UNC13C: variants seen among roughly 807,000 people sequenced by gnomAD.
UNC13C encodes unc-13 homolog C, also known as protein unc-13 homolog C.
In UNC13C, 174 loss-of-function variants were observed where a neutral mutation model predicts 245.4. That is an observed-to-expected ratio of 0.71 (90% CI 0.63 to 0.80). The LOEUF (loss-of-function observed/expected upper bound fraction) is 0.80, where lower values mean the gene tolerates loss of function less well. Among genes scored for constraint, UNC13C ranks in the 30% least tolerant of loss-of-function variants. The pLI is 0.00. For missense variants in UNC13C, 2,829 were observed against 2,602.9 expected (o/e 1.09, Z -1.89); for synonymous variants, 992 against 895.1 (o/e 1.11, Z -1.93).
intron 24 of UNC13C, among the ~76,000 whole-genome samples, chr15:54,519,410 C>A (rs1181421158): frequency 1.3e-5 from 2 of 151,526 alleles, no homozygotes; most frequent in Non-Finnish European, 2.9e-5. Context: ...TTTTTTCCTT[C>A]AGTTGTCTAG....
At chr15:54,081,953 T>C (rs1898965536) in intron 2 of UNC13C, among the ~76,000 whole-genome samples, 2 of 152,200 alleles carry the variant, frequency 1.3e-5, no homozygotes, top group Non-Finnish European at 2.9e-5. Flanking sequence ...AGAAATCCTT[T>C]GATCATTTCT....
chr15:54,039,643 C>T (rs913987957), intron 2 of UNC13C, among the ~76,000 whole-genome samples: 3 of 152,024 alleles, frequency 2.0e-5, no homozygotes, highest in African/African-American at 4.8e-5. Context: ...CTGGCATTCT[C>T]GGTGATCCCA....
the UNC13C span, among the ~76,000 whole-genome samples, chr15:53,932,265 C>T: frequency 6.6e-6 from 1 of 151,844 alleles, no homozygotes; most frequent in Non-Finnish European, 1.5e-5. Flanking sequence ...GCCGAGATTT[C>T]ACCACAGCAC....
At chr15:54,085,285 T>C (rs1301792433) in intron 2 of UNC13C, among the ~76,000 whole-genome samples, 1 of 152,188 alleles carries the variant, frequency 6.6e-6, no homozygotes, top group African/African-American at 2.4e-5. Context: ...TTACCGATTC[T>C]AGAAGTGTCA....
the UNC13C span, chr15:53,947,721 G>A: frequency 6.6e-6 from 1 of 152,182 alleles, no homozygotes; most frequent in Non-Finnish European, 1.5e-5. Context: ...GGCTCTCATT[G>A]AATTTCTACT....
intron 2 of UNC13C, among the ~76,000 whole-genome samples, chr15:54,044,853 G>A (rs1025789927): frequency 2.0e-5 from 3 of 151,912 alleles, no homozygotes; most frequent in African/African-American, 7.3e-5. Context: ...TGTGCTTATT[G>A]GCCATTTGTA....
chr15:54,169,602 C>T (rs368536675), intron 4 of UNC13C, among the ~76,000 whole-genome samples: 1 of 152,054 alleles, frequency 6.6e-6, no homozygotes, highest in Admixed American at 6.6e-5. Flanking sequence ...CATTTCATGC[C>T]TCTCTTTCCT....
intron 19 of UNC13C, among the ~76,000 whole-genome samples, chr15:54,486,363 C>T (rs960552870): frequency 4.6e-5 from 7 of 150,852 alleles, no homozygotes; most frequent in African/African-American, 1.7e-4. Flanking sequence ...CTTGAACCCC[C>T]AGGAGGTGGA....
At chr15:53,865,577 T>G in the UNC13C span, among the ~76,000 whole-genome samples, 5 of 152,148 alleles carry the variant, frequency 3.3e-5, no homozygotes, top group African/African-American at 4.8e-5. Context: ...CAAATAGGCT[T>G]ATAGGTGTTG....
At chr15:54,434,220 C>T (rs991156466) in intron 19 of UNC13C, among the ~76,000 whole-genome samples, 1 of 151,588 alleles carries the variant, frequency 6.6e-6, no homozygotes, top group East Asian at 1.9e-4. Context: ...TCACAGAATT[C>T]GAAAAAGACT....
At chr15:54,059,430 G>T (rs1052838146) in intron 2 of UNC13C, among the ~76,000 whole-genome samples, 7 of 152,116 alleles carry the variant, frequency 4.6e-5, no homozygotes, top group African/African-American at 1.7e-4. Context: ...CCTCTTCAAG[G>T]AGAACTACAA....
chr15:54,080,916 ACTTT>A (rs140483816), intron 2 of UNC13C, among the ~76,000 whole-genome samples: 3,276 of 151,726 alleles, frequency 0.022, 95 homozygotes, highest in South Asian at 0.12. Context: ...TAATTTGAGA[ACTTT>A]CTTTCTTTTT....
intron 19 of UNC13C, among the ~76,000 whole-genome samples, chr15:54,463,105 G>C (rs373039325): frequency 2.0e-5 from 3 of 151,648 alleles, no homozygotes; most frequent in African/African-American, 7.3e-5. Flanking sequence ...GAGAACTTTT[G>C]TGTCTAGCTA....
intron 19 of UNC13C, among the ~76,000 whole-genome samples, chr15:54,465,311 G>A (rs979923695): frequency 6.6e-6 from 1 of 151,994 alleles, no homozygotes; most frequent in African/African-American, 2.4e-5. Context: ...AGTATTCATA[G>A]TTCATTTAGC....
intron 30 of UNC13C, among the ~76,000 whole-genome samples, chr15:54,592,057 A>G (rs1015818525): frequency 6.6e-5 from 10 of 152,094 alleles, no homozygotes; most frequent in Admixed American, 2.6e-4. Flanking sequence ...TTTTGACCCA[A>G]TGCTCATTCA....
intron 19 of UNC13C, among the ~76,000 whole-genome samples, chr15:54,492,555 C>T (rs1893766221): frequency 6.6e-6 from 1 of 152,106 alleles, no homozygotes; most frequent in Non-Finnish European, 1.5e-5. Context: ...ACATAGTTCT[C>T]AGCCATTATG....
chr15:54,562,822 T>C (rs1897350606), intron 29 of UNC13C, among the ~76,000 whole-genome samples: 1 of 152,006 alleles, frequency 6.6e-6, no homozygotes, highest in Non-Finnish European at 1.5e-5. Flanking sequence ...GCCTCCACTT[T>C]TCATATTTCT....
At chr15:53,973,179 A>G in the UNC13C span, among the ~76,000 whole-genome samples, 3 of 152,170 alleles carry the variant, frequency 2.0e-5, no homozygotes, top group Admixed American at 2.0e-4. Flanking sequence ...GCTCTTTGGT[A>G]TTCTAAAACT....
intron 2 of UNC13C, among the ~76,000 whole-genome samples, chr15:54,075,363 T>C (rs1898543283): frequency 6.6e-6 from 1 of 151,720 alleles, no homozygotes; most frequent in South Asian, 2.1e-4. Flanking sequence ...CAGGTGCCTG[T>C]AGTTCCAGCC....
Sources: allele counts gnomAD v4.1 joint callset (sites outside exome capture counted in the v4.1 genomes callset), GRCh38; gene constraint gnomAD v4.1.1; transcripts MANE v1.5; gene names NCBI Gene and HGNC (gene_info 2026-07-23, HGNC 2026-07-21).